The following SNX27 variants were observed in gnomAD, a reference collection of about 807,000 sequenced individuals.
SNX27 encodes sorting nexin-27.
Under a neutral mutation model 71.6 loss-of-function variants are expected in SNX27, and 22 were observed. The ratio of observed to expected loss-of-function variants is 0.31; its 90% confidence interval spans 0.22 to 0.44. The LOEUF (loss-of-function observed/expected upper bound fraction) is 0.44. Ranked by LOEUF, SNX27 falls within the 20% of genes least tolerant of loss-of-function variation. The pLI, the probability that SNX27 is intolerant of heterozygous loss-of-function variation, is 1.00. For synonymous variants in SNX27, 269 were observed against 277.2 expected (o/e 0.97, Z 0.29); for missense variants, 531 against 698.6 (o/e 0.76, Z 2.70).
intron 1 of SNX27, among the ~76,000 whole-genome samples, chr1:151,629,815 G>A (rs1408728982): frequency 6.6e-6 from 1 of 151,796 alleles, no homozygotes; most frequent in Non-Finnish European, 1.5e-5. Flanking sequence ...CTGACCTCAG[G>A]TGATCTGCCT....
At chr1:151,649,844 T>TA (rs1321229687) in intron 2 of SNX27, among the ~76,000 whole-genome samples, 1 of 152,170 alleles carries the variant, frequency 6.6e-6, no homozygotes, top group Admixed American at 6.5e-5. Context: ...TAGCTGGAAC[T>TA]ACAGGAATGT....
chr1:151,674,424 G>A (rs962799052), intron 7 of SNX27, among the ~76,000 whole-genome samples: 2 of 152,068 alleles, frequency 1.3e-5, no homozygotes, highest in Non-Finnish European at 2.9e-5. Context: ...AAAAGTTGTT[G>A]TAGTTATTAC....
intron 10 of SNX27, 85 bp downstream of exon 10, chr1:151,693,124 A>G: frequency 6.5e-7 from 1 of 1,534,376 alleles, no homozygotes; most frequent in Middle Eastern, 1.7e-4. Flanking sequence ...GGAGAGAGAG[A>G]TAGAGCTAGT....
rs1308142 is a variant in SNX27 at position 151,698,751 on chromosome 1, G to A, written c.*4334G>A. The A allele has an allele frequency of 0.063, 9,636 of 152,710 alleles. 847 individuals carry two copies. Among genetic ancestry groups the A allele is most frequent in the East Asian group, 0.34 (1,757 of 5,172 alleles). The allele number at this position is 152,710 out of a possible 1,614,324, so 9.5% of individuals were successfully genotyped here. On this transcript the variant is annotated 3_prime_UTR_variant, in exon 12 of 12. Transcript: ENST00000458013. ...GAATCAAAGAGGGGAGTGATACGGG[G>A]TGGGGGCACTTGGCCGCCTGCTAAA...
At chr1:151,671,181 C>T (rs1469381880) in intron 7 of SNX27, among the ~76,000 whole-genome samples, 2 of 150,712 alleles carry the variant, frequency 1.3e-5, no homozygotes, top group African/African-American at 4.9e-5. Context: ...GTTTTTGTTA[C>T]TATAGTTCTG....
At chr1:151,613,595 T>C (rs1405135261) in intron 1 of SNX27, among the ~76,000 whole-genome samples, 1 of 152,096 alleles carries the variant, frequency 6.6e-6, no homozygotes, top group Non-Finnish European at 1.5e-5. Flanking sequence ...CTTCTGCTGC[T>C]GCAGCCCACC....
chr1:151,694,350 CTTT>C lies in SNX27; in HGVS notation c.1579-11_1579-9del, dbSNP rs745946161. ...GAGGAGATGTGCCTTCCCAATAACTCTTTTTTTTTTTCCTTTCAGAACATTTTC... is the reference window on the plus strand; with the variant it reads ...GAGGAGATGTGCCTTCCCAATAACTCTTTTTTTTCCTTTCAGAACATTTTC... On this transcript the variant is annotated splice_polypyrimidine_tract_variant and intron_variant, in intron 11 of 11. Transcript: ENST00000458013. The C allele has an allele frequency of 1.7e-6, 2 of 1,193,472 alleles. No homozygotes were observed. Among genetic ancestry groups the C allele is most frequent in the African/African-American group, 1.6e-5 (1 of 63,634 alleles). The allele number at this position is 1,193,472 out of a possible 1,614,324, so 73.9% of individuals were successfully genotyped here.
Position 151,612,450 on chromosome 1 carries a change from C to A in SNX27, c.249C>A (p.Ala83=). 1 of 1,437,518 alleles carries A rather than the reference C, an allele frequency of 7.0e-7. No homozygotes were observed. Among genetic ancestry groups the A allele is most frequent in the East Asian group, 2.8e-5 (1 of 35,664 alleles). 89.0% of individuals were successfully genotyped at this position (1,437,518 alleles called of 1,614,324 possible). A position where few individuals can be genotyped will look rare whatever the true frequency, so the allele number is the denominator to read the frequency against. ...ACGCGCCGCTGCAGCATGTGAGCGC[C>A]GTGCTGCCCGGGGGGGCGGCCGATC... is the stretch of plus-strand genomic sequence containing the variant. The part of the protein sequence containing the change: ...ELYAPLQHVS[A]VLPGGAADRA... Residue 83 remains alanine (A), a synonymous_variant, in exon 1 of 12, where the codon GCC becomes GCA. Coordinates refer to ENST00000458013, the MANE Select transcript of SNX27 (RefSeq NM_001330723.2). This position sits in a 1 kb window ranked among gnomAD's most constrained non-coding sequence, Gnocchi z 5.2.
At chr1:151,664,915 A>T (rs1670120633) in intron 5 of SNX27, among the ~76,000 whole-genome samples, 1 of 152,164 alleles carries the variant, frequency 6.6e-6, no homozygotes, top group African/African-American at 2.4e-5. Flanking sequence ...ACTATTTTCT[A>T]AACCTTGAAA....
In SNX27 at chr1:151,622,210, T is replaced by C. The variant is rs145293298; in HGVS notation, c.311+9698T>C. Among the ~76,000 whole-genome samples the C allele has an allele frequency of 8.5e-5, 13 of 152,342 alleles. No individual in the cohort carries two copies. In the East Asian group the frequency reaches 2.5e-3, roughly 29 times the overall value. On this transcript the variant is annotated intron_variant, in intron 1 of 11. Coordinates refer to ENST00000458013, the MANE Select transcript of SNX27 (RefSeq NM_001330723.2). ...AGGGTCATATCCCTTCAAAAGTATA[T>C]CTTGTTACTAATTTGTAAAGACTGT...
rs1671506890 is a variant in SNX27, at chr1:151,692,563, C to T, written c.1368C>T (p.Cys456=). ...ISITHFKLHA[C]TEEGQLENQV... ...TCACGCACTTTAAACTGCATGCCTGCACTGAAGAAGGACAGCTGGAGGTGA... is the reference window on the plus strand; with the variant it reads ...TCACGCACTTTAAACTGCATGCCTGTACTGAAGAAGGACAGCTGGAGGTGA... Residue 456 remains cysteine (C), a synonymous_variant, in exon 9 of 12, where the codon TGC becomes TGT. Coordinates refer to ENST00000458013, the MANE Select transcript of SNX27 (RefSeq NM_001330723.2). 1 of 1,613,474 alleles carries T rather than the reference C, an allele frequency of 6.2e-7. No homozygotes were observed.
chr1:151,657,213 G>T (rs555972922), intron 2 of SNX27, among the ~76,000 whole-genome samples: 1 of 152,250 alleles, frequency 6.6e-6, no homozygotes, highest in African/African-American at 2.4e-5. Context: ...TCCTTCTATT[G>T]TCCAGGCTGG....
At chr1:151,688,952 G>A (rs1394724770) in intron 8 of SNX27, among the ~76,000 whole-genome samples, 3 of 152,156 alleles carry the variant, frequency 2.0e-5, no homozygotes, top group Non-Finnish European at 4.4e-5. Context: ...GTCTTCCAAT[G>A]AGACTTTACC....
In SNX27 at chr1:151,694,084, G is replaced by A. The variant is rs565295209; in HGVS notation, c.1579-286G>A. 126 of 1,242,522 alleles carry A rather than the reference G, an allele frequency of 1.0e-4. No individual in the cohort carries two copies. The African/African-American group carries it at 1.7e-3, about 17-fold the overall frequency. 77.0% of individuals were successfully genotyped at this position (1,242,522 alleles called of 1,614,324 possible). ...CATTGGGCTCTGGGAATTTTATCTG[G>A]GTTTTCTCCTGGCTTTTTTTTCCCT... On this transcript the variant is annotated intron_variant, in intron 11 of 11. Transcript: ENST00000458013.
intron 1 of SNX27, among the ~76,000 whole-genome samples, chr1:151,616,086 A>G (rs2102588886): frequency 6.6e-6 from 1 of 152,314 alleles, no homozygotes; most frequent in East Asian, 1.9e-4. Context: ...GCTGGTTTCC[A>G]CCTTGTAATT....
chr1:151,625,471 A>C (rs1248023224), intron 1 of SNX27, among the ~76,000 whole-genome samples: 3 of 150,486 alleles, frequency 2.0e-5, no homozygotes, highest in African/African-American at 4.9e-5. Flanking sequence ...ATGCCACTGC[A>C]CTCCAGCCTG....
Position 151,612,303 on chromosome 1 carries a change from C to G in SNX27, c.102C>G (p.Gly34=). Residue 34 remains glycine (G), a synonymous_variant, in exon 1 of 12, where the codon GGC becomes GGG. Coordinates refer to ENST00000458013, the MANE Select transcript of SNX27 (RefSeq NM_001330723.2). This position sits in a 1 kb window ranked among gnomAD's most constrained non-coding sequence, Gnocchi z 5.2. ...CTGGGCTCCACTGCGCCGGGAACGG[C>G]GGCGGGGGAGGCGGCGGCCCGCGGG... ...GGSGLHCAGN[G]GGGGGGPRVV... is the part of the protein sequence containing the mutation. The G allele has an allele frequency of 6.6e-7, 1 of 1,517,810 alleles. No homozygotes were observed. Among genetic ancestry groups the G allele is most frequent in the Non-Finnish European group, 8.8e-7 (1 of 1,136,210 alleles). 94.0% of individuals were successfully genotyped at this position (1,517,810 alleles called of 1,614,324 possible). A position where few individuals can be genotyped will look rare whatever the true frequency, so the allele number is the denominator to read the frequency against.
intron 1 of SNX27, among the ~76,000 whole-genome samples, chr1:151,637,162 G>GT (rs1203944575): frequency 0.029 from 1,076 of 37,310 alleles, 49 homozygotes; most frequent in African/African-American, 0.061. Flanking sequence ...CGTTTTTTTT[G>GT]TTTTTTTGTT....
chr1:151,688,415 C>T (rs535213617), intron 8 of SNX27, among the ~76,000 whole-genome samples: 9 of 152,078 alleles, frequency 5.9e-5, no homozygotes, highest in Non-Finnish European at 1.3e-4. Context: ...AGGCAGATCA[C>T]GAGGTCAGGA....
Sources: allele counts gnomAD v4.1 joint callset (sites outside exome capture counted in the v4.1 genomes callset), GRCh38; gene constraint gnomAD v4.1.1; non-coding constraint Gnocchi (gnomAD v3.1); transcripts MANE v1.5; gene names NCBI Gene and HGNC (gene_info 2026-07-23, HGNC 2026-07-21).